The following CNTN5 variants were observed in gnomAD, a reference collection of about 807,000 sequenced individuals.
CNTN5 encodes the protein contactin-5.
In CNTN5, 77 loss-of-function variants were observed where a neutral mutation model predicts 129.1. The observed-to-expected ratio is 0.60, with a 90% confidence interval of 0.50 to 0.72. The LOEUF (loss-of-function observed/expected upper bound fraction) is 0.72. Among genes scored for constraint, CNTN5 ranks in the 30% least tolerant of loss-of-function variants. CNTN5 has a pLI of 0.00. For synonymous variants in CNTN5, 509 were observed against 465.6 expected, an observed-to-expected ratio of 1.09 and a Z score of -1.20; for missense variants, 1,478 against 1,328.8, an observed-to-expected ratio of 1.11 and a Z score of -1.75.
chr11:99,900,395 A>C (rs1013315368), intron 6 of CNTN5, among the ~76,000 whole-genome samples: 4 of 151,900 alleles, frequency 2.6e-5, no homozygotes, highest in Non-Finnish European at 4.4e-5. Flanking sequence ...ATCATGGTGG[A>C]TTATCTTTTT....
intron 15 of CNTN5, among the ~76,000 whole-genome samples, chr11:100,215,798 C>A (rs1245911598): frequency 1.3e-5 from 2 of 152,000 alleles, no homozygotes; most frequent in Non-Finnish European, 2.9e-5. Flanking sequence ...GATTACAGGG[C>A]AGGGGCAGAA....
At chr11:99,498,031 C>T (rs113161293) in intron 2 of CNTN5, among the ~76,000 whole-genome samples, 7,169 of 152,102 alleles carry the variant, frequency 0.047, 221 homozygotes, top group South Asian at 0.089. Context: ...TGTGTTCAGG[C>T]GTATAGTCTT....
chr11:99,139,262 A>T (rs1478499125), intron 1 of CNTN5, among the ~76,000 whole-genome samples: 1 of 152,082 alleles, frequency 6.6e-6, no homozygotes, highest in African/African-American at 2.4e-5. Flanking sequence ...ACAGAATGTG[A>T]CCCCATATCA....
intron 3 of CNTN5, among the ~76,000 whole-genome samples, chr11:99,650,920 A>T (rs865862046): frequency 1.8e-4 from 27 of 151,950 alleles, no homozygotes; most frequent in Non-Finnish European, 3.2e-4. Flanking sequence ...CAGTTCAATA[A>T]TGTTCTTATC....
At chr11:99,482,882 A>G (rs1467921906) in intron 2 of CNTN5, among the ~76,000 whole-genome samples, 4 of 152,140 alleles carry the variant, frequency 2.6e-5, no homozygotes, top group Non-Finnish European at 5.9e-5. Context: ...TTGCAAAAAA[A>G]CACGTATGCT....
intron 1 of CNTN5, among the ~76,000 whole-genome samples, chr11:99,181,557 C>A (rs1858067129): frequency 6.6e-6 from 1 of 152,156 alleles, no homozygotes; most frequent in South Asian, 2.1e-4. Context: ...TGCGTTGCAA[C>A]GGTGGCTACC....
intron 16 of CNTN5, chr11:100,225,126 T>C (rs1231662597): frequency 5.7e-6 from 1 of 174,198 alleles, no homozygotes; most frequent in African/African-American, 2.4e-5. Context: ...ACTACAGAGA[T>C]AAAATTTGTG....
chr11:99,599,947 A>G (rs1382597296), intron 3 of CNTN5, among the ~76,000 whole-genome samples: 1 of 152,186 alleles, frequency 6.6e-6, no homozygotes, highest in Non-Finnish European at 1.5e-5. Flanking sequence ...GGGGTCATCT[A>G]CTTTAAAAGT....
Position 99,890,309 on chromosome 11 carries a change from A to T in CNTN5, c.578-25745A>T, listed in dbSNP as rs552525249. Among the ~76,000 whole-genome samples, 6 of 152,274 alleles carry T rather than the reference A, an allele frequency of 3.9e-5. No individual in the cohort carries two copies. The East Asian group carries it at 1.2e-3, about 29-fold the overall frequency. ...AAGTAATATTGAATTATAACACAAA[A>T]TATAAAATATCTATGAATCATACTG... On this transcript the variant is annotated intron_variant, in intron 6 of 24. Transcript: ENST00000524871.
At chr11:99,093,612 C>T (rs1488993617) in intron 1 of CNTN5, among the ~76,000 whole-genome samples, 1 of 151,802 alleles carries the variant, frequency 6.6e-6, no homozygotes, top group African/African-American at 2.4e-5. Context: ...AACCAGAGTC[C>T]ACAAAGTTGA....
At chr11:99,327,545 T>C (rs1865836614) in intron 2 of CNTN5, among the ~76,000 whole-genome samples, 1 of 152,152 alleles carries the variant, frequency 6.6e-6, no homozygotes, top group Admixed American at 6.6e-5. Context: ...CCATTTTTGT[T>C]GTTGCTCCTT....
intron 16 of CNTN5, among the ~76,000 whole-genome samples, chr11:100,254,599 G>A (rs114405552): frequency 0.026 from 3,914 of 152,096 alleles, 126 homozygotes; most frequent in African/African-American, 0.078. Context: ...AAAAAAGTTC[G>A]TTCCTTATTT....
In CNTN5 at chr11:99,923,805, A is replaced by ATCTATCTATCTG. The variant is rs1457117946; in HGVS notation, c.673+7659_673+7660insATCTATCTGTCT. Among the ~76,000 whole-genome samples the ATCTATCTATCTG allele has an allele frequency of 4.0e-5, 6 of 150,412 alleles. No homozygotes were observed. In the East Asian group the frequency reaches 7.9e-4, roughly 20 times the overall value. On this transcript the variant is annotated intron_variant, in intron 7 of 24. Coordinates refer to ENST00000524871, the MANE Select transcript of CNTN5 (RefSeq NM_014361.4). ...TATCTATCTATCTATCTATCTATCT[A>ATCTATCTATCTG]TCTGACAGAGTCTTGCTCTGTTGCC...
chr11:99,687,056 C>A lies in CNTN5; in HGVS notation c.55+130787C>A, dbSNP rs56978867. 3.3e-5 allele frequency among the ~76,000 whole-genome samples: 5 copies of A among 152,206 alleles called. No individual in the cohort carries two copies. The South Asian group carries it at 1.0e-3, about 32-fold the overall frequency. ...TAGATATACTGACACTGTCAGTCTA[C>A]GTGAAGAGCTCTATTCAGGCTCTAG... On this transcript the variant is annotated intron_variant, in intron 3 of 24. Coordinates refer to ENST00000524871, the MANE Select transcript of CNTN5 (RefSeq NM_014361.4).
intron 1 of CNTN5, among the ~76,000 whole-genome samples, chr11:99,163,261 C>T (rs1000689531): frequency 3.9e-5 from 6 of 151,900 alleles, no homozygotes; most frequent in Non-Finnish European, 5.9e-5. Flanking sequence ...AATAAATTTA[C>T]GTTGTTTTCT....
At chr11:100,041,563 C>A (rs1464288774) in intron 9 of CNTN5, among the ~76,000 whole-genome samples, 1 of 152,154 alleles carries the variant, frequency 6.6e-6, no homozygotes, top group Non-Finnish European at 1.5e-5. Context: ...GGGTCCTCCC[C>A]ATTTTGCTGG....
chr11:100,149,076 A>T (rs549908470), intron 13 of CNTN5, among the ~76,000 whole-genome samples: 6 of 152,310 alleles, frequency 3.9e-5, no homozygotes, highest in African/African-American at 1.4e-4. Flanking sequence ...AAGTTAATAG[A>T]TTTTAGGAAG....
rs1948941282 is a variant in CNTN5, at chr11:100,207,480, G to A, written c.1884+13817G>A. 2.6e-5 allele frequency among the ~76,000 whole-genome samples: 4 copies of A among 152,136 alleles called. No individual in the cohort carries two copies. The South Asian group carries it at 6.2e-4, about 24-fold the overall frequency. On this transcript the variant is annotated intron_variant, in intron 15 of 24. Transcript: ENST00000524871. ...AAATAATTTAGATTGCTTTACCAGT[G>A]AAGATATAACATTACTAACTTGTTC... is the stretch of plus-strand genomic sequence containing the variant.
chr11:100,353,908 C>A (rs751256229), intron 24 of CNTN5, among the ~76,000 whole-genome samples: 3 of 151,370 alleles, frequency 2.0e-5, no homozygotes, highest in Admixed American at 1.3e-4. Context: ...CTAAAACTAC[C>A]CCCCCAAATC....
Sources: allele counts gnomAD v4.1 joint callset (sites outside exome capture counted in the v4.1 genomes callset), GRCh38; gene constraint gnomAD v4.1.1; transcripts MANE v1.5; gene names NCBI Gene and HGNC (gene_info 2026-07-23, HGNC 2026-07-21).